HERC4: variants seen among roughly 807,000 people sequenced by gnomAD.
The protein encoded by HERC4 is probable E3 ubiquitin-protein ligase HERC4.
A neutral mutation model predicts 124.3 loss-of-function variants in HERC4; 28 were observed. The observed-to-expected ratio is 0.23, with a 90% CI of 0.17 to 0.31. The LOEUF is 0.31. Among genes scored for constraint, HERC4 ranks in the 10% least tolerant of loss-of-function variants. The pLI is 1.00. For missense variants in HERC4, 713 were observed against 1,229.3 expected (o/e 0.58, Z 6.28); for synonymous variants, 407 against 421.5 (o/e 0.97, Z 0.42).
At chr10:68,070,572 C>T (rs2041522788) in intron 3 of HERC4, 1 of 152,954 alleles carries the variant, frequency 6.5e-6, no homozygotes, top group Non-Finnish European at 1.5e-5. Flanking sequence ...CGCCATTGCA[C>T]TCCGGCCTGG....
chr10:68,008,968 C>T (rs904823779), intron 9 of HERC4, among the ~76,000 whole-genome samples: 3 of 152,106 alleles, frequency 2.0e-5, no homozygotes, highest in Non-Finnish European at 4.4e-5. Flanking sequence ...CTCCTGTAAT[C>T]CCAGCACTTT....
At chr10:67,941,347 C>T (rs1370695656) in intron 19 of HERC4, among the ~76,000 whole-genome samples, 1 of 149,926 alleles carries the variant, frequency 6.7e-6, no homozygotes, top group Non-Finnish European at 1.5e-5. Flanking sequence ...ACTATACATA[C>T]GACTTTACAA....
chr10:68,001,201 T>A (rs2037210500), intron 9 of HERC4, among the ~76,000 whole-genome samples: 1 of 151,874 alleles, frequency 6.6e-6, no homozygotes, highest in Non-Finnish European at 1.5e-5. Context: ...TGAGACCCCG[T>A]CTCTACAAAA....
chr10:68,026,522 C>T (rs975465588), intron 7 of HERC4, among the ~76,000 whole-genome samples: 1 of 152,026 alleles, frequency 6.6e-6, no homozygotes, highest in African/African-American at 2.4e-5. Flanking sequence ...GCCTGGCCAA[C>T]ATGGTGAAAC....
chr10:68,072,690 TA>T (rs993087382), intron 3 of HERC4, among the ~76,000 whole-genome samples, 192 bp downstream of exon 3: 2 of 150,226 alleles, frequency 1.3e-5, no homozygotes. Flanking sequence ...ATACTAGTAG[TA>T]AAAAAAAAGA....
intron 7 of HERC4, among the ~76,000 whole-genome samples, chr10:68,032,087 A>G (rs1464222730): frequency 1.3e-5 from 2 of 152,232 alleles, no homozygotes; most frequent in Non-Finnish European, 2.9e-5. Context: ...ATACTATGTA[A>G]GACCAAAAAA....
rs1313187223 is a variant in HERC4, at chr10:67,956,871, A to G, written c.2025+7T>C. 6.6e-7 allele frequency: 1 copy of G among 1,525,178 alleles called. No individual in the cohort carries two copies. The highest frequency in any genetic ancestry group is 8.8e-7 in the Non-Finnish European group (1 of 1,131,900). 94.5% of individuals were successfully genotyped at this position (1,525,178 alleles called of 1,614,324 possible). On this transcript the variant is annotated splice_region_variant and intron_variant, in intron 17 of 24. Coordinates refer to ENST00000373700, the MANE Select transcript of HERC4 (RefSeq NM_015601.4). ...AAAAAAAAAAACCCTCTCAAATAAT[A>G]TTTTACCTGCATCTGTAAGACTGCA...
rs1033986175 is a variant in HERC4, at chr10:68,036,267, G to A, written c.463+1826C>T. On this transcript the variant is annotated intron_variant, in intron 5 of 24. Transcript: ENST00000373700. ...CAGGAGGCGGAGCTTGCAGTGAGCC[G>A]AGATCATGCCACTGCACTCCAGCCT... Among the ~76,000 whole-genome samples the A allele has an allele frequency of 4.7e-5, 7 of 149,766 alleles. No homozygotes were observed. The East Asian group carries it at 5.9e-4, about 13-fold the overall frequency.
rs528393080 is a variant in HERC4 at position 68,064,983 on chromosome 10, A to C, written c.226+7900T>G. Among the ~76,000 whole-genome samples the C allele has an allele frequency of 1.7e-4, 26 of 152,218 alleles. No individual in the cohort carries two copies. In the South Asian group the frequency reaches 5.0e-3, roughly 29 times the overall value. ...AAGGCTCCATCTCAAAAAAAAAAAA[A>C]AATCCAAAAAATAGAATACTTAAAT... is the stretch of plus-strand genomic sequence containing the variant. On this transcript the variant is annotated intron_variant, in intron 3 of 24. Transcript: ENST00000373700.
intron 8 of HERC4, among the ~76,000 whole-genome samples, chr10:68,017,503 G>C (rs985191836): frequency 6.6e-6 from 1 of 152,064 alleles, no homozygotes; most frequent in Non-Finnish European, 1.5e-5. Context: ...ATTTTTTTGA[G>C]ACAGAGTTTT....
intron 2 of HERC4, 124 bp from the exon 3 acceptor site, chr10:68,073,310 ATAAG>A (rs2041657889): frequency 2.0e-6 from 1 of 495,936 alleles, no homozygotes; most frequent in South Asian, 3.1e-5. Context: ...AACATGCTAC[ATAAG>A]TATCATTCAG....
chr10:68,039,761 T>A, intron 4 of HERC4: 1 of 1,217,730 alleles, frequency 8.2e-7, no homozygotes, highest in Non-Finnish European at 1.0e-6. Flanking sequence ...CATACCCAAC[T>A]GTGCTCAAAT....
intron 3 of HERC4, among the ~76,000 whole-genome samples, chr10:68,054,136 C>T (rs1259079439): frequency 1.1e-4 from 16 of 152,172 alleles, no homozygotes; most frequent in South Asian, 2.1e-4. Flanking sequence ...CAGAGTATAC[C>T]TAAAATCCAT....
At chr10:67,930,051 C>T (rs1230544536) in intron 23 of HERC4, among the ~76,000 whole-genome samples, 1 of 152,062 alleles carries the variant, frequency 6.6e-6, no homozygotes, top group Non-Finnish European at 1.5e-5. Flanking sequence ...GGTGATCTGC[C>T]CGCCTCGGCC....
intron 21 of HERC4, 97 bp from the exon 22 acceptor site, chr10:67,936,332 A>C (rs1490428793): frequency 2.9e-5 from 18 of 614,816 alleles, no homozygotes; most frequent in Non-Finnish European, 4.1e-5. Flanking sequence ...ATTAAAAAAA[A>C]CTACTAAATT....
At chr10:68,019,264 G>C (rs2038460724) in intron 8 of HERC4, among the ~76,000 whole-genome samples, 1 of 152,100 alleles carries the variant, frequency 6.6e-6, no homozygotes, top group Non-Finnish European at 1.5e-5. Context: ...CCAAAGTGCT[G>C]AGATTACAGG....
chr10:68,020,452 T>C (rs1031766998), intron 8 of HERC4, among the ~76,000 whole-genome samples: 2 of 150,902 alleles, frequency 1.3e-5, no homozygotes, highest in African/African-American at 4.9e-5. Context: ...AACGGAAATA[T>C]CAATCAAAAA....
At chr10:67,934,509 G>T (rs1419312007) in intron 22 of HERC4, among the ~76,000 whole-genome samples, 1 of 152,054 alleles carries the variant, frequency 6.6e-6, no homozygotes. Flanking sequence ...GGTGGTGGTT[G>T]TTTTTTTAAT....
chr10:68,059,984 G>A, intron 3 of HERC4, among the ~76,000 whole-genome samples: 1 of 136,034 alleles, frequency 7.4e-6, no homozygotes, highest in Admixed American at 8.7e-5. Flanking sequence ...ATAATAATTT[G>A]GTTTCTTTTC....
Sources: allele counts gnomAD v4.1 joint callset (sites outside exome capture counted in the v4.1 genomes callset), GRCh38; gene constraint gnomAD v4.1.1; transcripts MANE v1.5; gene names NCBI Gene and HGNC (gene_info 2026-07-23, HGNC 2026-07-21).